DAB1: variants seen among roughly 807,000 people sequenced by gnomAD.
DAB1 encodes the protein DAB adaptor protein 1, also known as disabled homolog 1.
Under a neutral mutation model 64.6 loss-of-function variants are expected in DAB1, and 15 were observed. The ratio of observed to expected loss-of-function variants is 0.23; its 90% CI spans 0.16 to 0.36. The LOEUF is 0.36. DAB1 is among the 10% of genes least tolerant of loss of function. The pLI is 1.00. For missense variants in DAB1, 596 were observed against 706.7 expected, an observed-to-expected ratio of 0.84 and a Z score of 1.78; for synonymous variants, 235 against 251.9, an observed-to-expected ratio of 0.93 and a Z score of 0.64.
intron 1 of DAB1, among the ~76,000 whole-genome samples, chr1:57,367,161 G>A (rs191976434): frequency 1.5e-3 from 235 of 151,704 alleles, no homozygotes; most frequent in African/African-American, 5.6e-3. Context: ...TGTAATCCTA[G>A]TTACCTGGGA....
chr1:57,228,556 A>C (rs1254607791), intron 2 of DAB1, among the ~76,000 whole-genome samples: 3 of 152,240 alleles, frequency 2.0e-5, no homozygotes, highest in Non-Finnish European at 4.4e-5. Context: ...CAAAAACTAA[A>C]ATGTGTGACA....
intron 5 of DAB1, among the ~76,000 whole-genome samples, chr1:58,028,126 T>C (rs1277597444): frequency 6.6e-6 from 1 of 152,214 alleles, no homozygotes; most frequent in Admixed American, 6.5e-5. Context: ...ACTTAATATA[T>C]GCAGCTATCC....
intron 4 of DAB1, among the ~76,000 whole-genome samples, chr1:57,130,812 C>G (rs1228652592): frequency 6.6e-6 from 1 of 152,090 alleles, no homozygotes; most frequent in Non-Finnish European, 1.5e-5. Context: ...TTTCATCTTT[C>G]TCTTAGTCTA....
intron 1 of DAB1, among the ~76,000 whole-genome samples, chr1:57,382,649 C>G (rs1681474725): frequency 6.6e-6 from 1 of 152,128 alleles, no homozygotes; most frequent in African/African-American, 2.4e-5. Context: ...TTTCTCACAT[C>G]TACAAAGCCA....
intron 5 of DAB1, among the ~76,000 whole-genome samples, chr1:57,997,913 C>T (rs1217298492): frequency 6.6e-6 from 1 of 151,548 alleles, no homozygotes; most frequent in African/African-American, 2.4e-5. Flanking sequence ...GCAGTTTCTC[C>T]CCTCAAGAAC....
intron 3 of DAB1, among the ~76,000 whole-genome samples, chr1:58,430,643 C>A (rs1000368954): frequency 6.6e-6 from 1 of 152,142 alleles, no homozygotes; most frequent in African/African-American, 2.4e-5. Flanking sequence ...GTGACAAGAA[C>A]GGAGCCCATA....
At chr1:57,409,835 T>G (rs1260526576) in intron 1 of DAB1, among the ~76,000 whole-genome samples, 2 of 152,024 alleles carry the variant, frequency 1.3e-5, no homozygotes, top group Non-Finnish European at 2.9e-5. Context: ...AAACAAAAAC[T>G]AGCATCAGAT....
At chr1:57,141,153 C>T (rs1319332775) in intron 3 of DAB1, among the ~76,000 whole-genome samples, 2 of 152,078 alleles carry the variant, frequency 1.3e-5, no homozygotes, top group African/African-American at 4.8e-5. Context: ...GCTATATGAA[C>T]CAAAGGGAAA....
intron 2 of DAB1, among the ~76,000 whole-genome samples, chr1:57,207,784 T>C (rs570048611): frequency 7.2e-5 from 11 of 152,310 alleles, no homozygotes; most frequent in African/African-American, 2.6e-4. Flanking sequence ...CCTCTCTAGA[T>C]AGTAACTTCT....
At chr1:57,594,279 C>A (rs1307732274) in intron 7 of DAB1, among the ~76,000 whole-genome samples, 1 of 152,170 alleles carries the variant, frequency 6.6e-6, no homozygotes, top group Non-Finnish European at 1.5e-5. Flanking sequence ...GAGGAGAAAG[C>A]ACACTCATTT....
intron 7 of DAB1, among the ~76,000 whole-genome samples, chr1:57,556,399 T>C (rs1211230465): frequency 2.6e-5 from 4 of 152,194 alleles, no homozygotes; most frequent in Non-Finnish European, 5.9e-5. Flanking sequence ...CCACCAACAA[T>C]GGAAAAGTGT....
At chr1:58,187,705 G>A (rs1001473936) in intron 4 of DAB1, among the ~76,000 whole-genome samples, 1 of 150,692 alleles carries the variant, frequency 6.6e-6, no homozygotes, top group Non-Finnish European at 1.5e-5. Flanking sequence ...TTAGCCTCCA[G>A]AGTAGCTGTG....
At chr1:57,599,540 G>A (rs1017017550) in intron 7 of DAB1, among the ~76,000 whole-genome samples, 5 of 152,022 alleles carry the variant, frequency 3.3e-5, no homozygotes, top group East Asian at 1.9e-4. Context: ...GCGGGAGCTC[G>A]AGTAAGTTAT....
chr1:57,922,760 G>A lies in DAB1; in HGVS notation n.388-38598C>T, dbSNP rs554397617. Among the ~76,000 whole-genome samples the A allele has an allele frequency of 1.0e-3, 154 of 148,906 alleles. 1 individual carries two copies. The highest frequency in any genetic ancestry group is 3.6e-3 in the African/African-American group (147 of 40,364). ...ACTCGGGAAGCTGAGGCAGGAGAAT[G>A]GCATGAACCCGGGAGGCAGAGCTTG... On this transcript the variant is annotated intron_variant and non_coding_transcript_variant, in intron 5 of 20. Transcript: ENST00000485760.
chr1:57,136,109 T>G (rs1557784448), intron 4 of DAB1, among the ~76,000 whole-genome samples: 1 of 152,206 alleles, frequency 6.6e-6, no homozygotes, highest in Non-Finnish European at 1.5e-5. Flanking sequence ...GAACTCCATT[T>G]ATTCTTTTTG....
chr1:58,476,866 G>C (rs2100340320), intron 3 of DAB1, among the ~76,000 whole-genome samples: 1 of 152,314 alleles, frequency 6.6e-6, no homozygotes, highest in South Asian at 2.1e-4. Context: ...GTTCACGTAA[G>C]TGGCAGTACA....
chr1:57,399,365 G>T (rs1313088443), intron 1 of DAB1, among the ~76,000 whole-genome samples: 1 of 152,182 alleles, frequency 6.6e-6, no homozygotes, highest in Non-Finnish European at 1.5e-5. Context: ...TGGATGGATG[G>T]ATGGCATAGT....
intron 5 of DAB1, among the ~76,000 whole-genome samples, chr1:58,039,007 C>T (rs760212982): frequency 1.3e-5 from 2 of 152,130 alleles, no homozygotes; most frequent in African/African-American, 2.4e-5. Context: ...CCACAGCCCA[C>T]TCTGCTCCCC....
At chr1:57,066,432 T>C (rs544765494) in intron 8 of DAB1, among the ~76,000 whole-genome samples, 3 of 152,350 alleles carry the variant, frequency 2.0e-5, no homozygotes, top group South Asian at 2.1e-4. Context: ...ACACAGCCGA[T>C]AACTTTTTCT....
Sources: allele counts gnomAD v4.1 joint callset (sites outside exome capture counted in the v4.1 genomes callset), GRCh38; gene constraint gnomAD v4.1.1; transcripts MANE v1.5; gene names NCBI Gene and HGNC (gene_info 2026-07-23, HGNC 2026-07-21).